Variants in CEP70 observed in about 807,000 individuals in gnomAD.
CEP70 encodes centrosomal protein of 70 kDa.
Under a neutral mutation model 90.9 loss-of-function variants are expected in CEP70, and 70 were observed. That is an observed-to-expected ratio of 0.77 (90% confidence interval 0.64 to 0.94). The LOEUF (loss-of-function observed/expected upper bound fraction) is 0.94. Among genes scored for constraint, CEP70 ranks in the 40% least tolerant of loss-of-function variants. The pLI is 0.00. For missense variants in CEP70, 648 were observed against 669.0 expected, an observed-to-expected ratio of 0.97 and a Z score of 0.35; for synonymous variants, 220 against 228.3, an observed-to-expected ratio of 0.96 and a Z score of 0.33.
rs369443053 is a variant in CEP70 at position 138,574,122 on chromosome 3, C to T, written c.-5-1190G>A. Among the ~76,000 whole-genome samples the T allele has an allele frequency of 2.6e-5, 4 of 152,208 alleles. No homozygotes were observed. In the East Asian group the frequency reaches 5.8e-4, roughly 22 times the overall value. The stretch of plus-strand genomic sequence containing the variant: ...GTGGGTGCAGCCCACAAAGGGCGAG[C>T]CGAAGCAGGGTGGGGCATTGCCTCA... On this transcript the variant is annotated intron_variant, in intron 2 of 17. Coordinates refer to ENST00000264982, the MANE Select transcript of CEP70 (RefSeq NM_024491.4).
At chr3:138,584,917 C>CTT (rs2042038992) in intron 2 of CEP70, among the ~76,000 whole-genome samples, 1 of 151,840 alleles carries the variant, frequency 6.6e-6, no homozygotes, top group Non-Finnish European at 1.5e-5. Flanking sequence ...ATTGACAAAC[C>CTT]TTTAGCCAGA....
At chr3:138,576,607 A>G (rs529455999) in intron 2 of CEP70, among the ~76,000 whole-genome samples, 10 of 152,366 alleles carry the variant, frequency 6.6e-5, no homozygotes, top group African/African-American at 1.2e-4. Flanking sequence ...CAGACCTAAT[A>G]GACATCTACA....
intron 17 of CEP70, chr3:138,496,876 A>G: frequency 1.0e-6 from 1 of 985,552 alleles, no homozygotes; most frequent in Non-Finnish European, 1.2e-6. Flanking sequence ...GGAAGTTTCT[A>G]TAGAAGCATT....
chr3:138,515,454 A>C (rs2035915127), intron 11 of CEP70, among the ~76,000 whole-genome samples: 1 of 120,762 alleles, frequency 8.3e-6, no homozygotes, highest in Non-Finnish European at 1.8e-5. Flanking sequence ...CACCAACAAA[A>C]GGCATAGAAA....
At chr3:138,586,323 A>G (rs1437562937) in intron 2 of CEP70, among the ~76,000 whole-genome samples, 2 of 152,104 alleles carry the variant, frequency 1.3e-5, no homozygotes, top group African/African-American at 4.8e-5. Flanking sequence ...ACACTGGCCA[A>G]TTTTTTATAT....
chr3:138,508,723 A>G (rs936371432), intron 11 of CEP70, among the ~76,000 whole-genome samples, 179 bp from the exon 12 acceptor site: 4 of 151,954 alleles, frequency 2.6e-5, no homozygotes, highest in African/African-American at 9.7e-5. Context: ...ATGCATATAT[A>G]GAGTTAAAAA....
At chr3:138,506,913 T>A (rs959346039) in intron 12 of CEP70, among the ~76,000 whole-genome samples, 1 of 145,010 alleles carries the variant, frequency 6.9e-6, no homozygotes. Flanking sequence ...GCTAATTAAA[T>A]TTTTTTTTTT....
intron 6 of CEP70, among the ~76,000 whole-genome samples, chr3:138,568,540 A>G (rs2040939504): frequency 6.6e-6 from 1 of 152,192 alleles, no homozygotes; most frequent in East Asian, 1.9e-4. Flanking sequence ...CCAATAAGTC[A>G]ATGATTTAAA....
At chr3:138,556,896 G>A (rs1003857964) in intron 6 of CEP70, among the ~76,000 whole-genome samples, 8 of 152,104 alleles carry the variant, frequency 5.3e-5, no homozygotes, top group African/African-American at 1.4e-4. Context: ...ATGAAGTTTC[G>A]GGCATCATTG....
At chr3:138,510,856 CTTTTT>C (rs869032871) in intron 11 of CEP70, among the ~76,000 whole-genome samples, 1 of 107,034 alleles carries the variant, frequency 9.3e-6, no homozygotes, top group Non-Finnish European at 1.9e-5. Flanking sequence ...CTTTTTCCAT[CTTTTT>C]TTTTTTTTTT....
rs893743552 is a variant in CEP70 at position 138,500,886 on chromosome 3, A to G, written c.1222-5T>C. 8 of 1,464,378 alleles carry G rather than the reference A, an allele frequency of 5.5e-6. No individual in the cohort carries two copies. Among genetic ancestry groups the G allele is most frequent in the Non-Finnish European group, 6.4e-6 (7 of 1,092,322 alleles). The allele number at this position is 1,464,378 out of a possible 1,614,324, so 90.7% of individuals were successfully genotyped here. On this transcript the variant is annotated splice_region_variant and splice_polypyrimidine_tract_variant and intron_variant, in intron 13 of 17. Transcript: ENST00000264982. ...TTTCAAGGACTTATACAAATCCTTTATAACAAAAGAAACTATATGGTATTA... is the reference window on the plus strand; with the variant it reads ...TTTCAAGGACTTATACAAATCCTTTGTAACAAAAGAAACTATATGGTATTA...
intron 6 of CEP70, among the ~76,000 whole-genome samples, chr3:138,554,815 T>C (rs1467264302): frequency 1.3e-5 from 2 of 152,180 alleles, no homozygotes; most frequent in African/African-American, 4.8e-5. Flanking sequence ...TATTAGTCCT[T>C]TGTCGGATGT....
intron 6 of CEP70, among the ~76,000 whole-genome samples, chr3:138,547,933 C>G (rs2039337034): frequency 6.6e-6 from 1 of 152,152 alleles, no homozygotes; most frequent in Non-Finnish European, 1.5e-5. Flanking sequence ...AATTGACTGA[C>G]CACAGGGAAC....
intron 2 of CEP70, among the ~76,000 whole-genome samples, chr3:138,591,296 A>G (rs143636922): frequency 6.6e-6 from 1 of 152,316 alleles, no homozygotes; most frequent in East Asian, 1.9e-4. Context: ...ATATGAAACA[A>G]TAAATGAATT....
intron 6 of CEP70, among the ~76,000 whole-genome samples, chr3:138,552,161 C>T (rs1431331524): frequency 6.6e-6 from 1 of 152,084 alleles, no homozygotes; most frequent in Non-Finnish European, 1.5e-5. Context: ...CCCTGGTGTT[C>T]CCAAATTTAT....
intron 3 of CEP70, among the ~76,000 whole-genome samples, chr3:138,572,402 TG>T (rs1477178281): frequency 6.6e-6 from 1 of 152,226 alleles, no homozygotes; most frequent in Non-Finnish European, 1.5e-5. Flanking sequence ...ACATTGATGT[TG>T]TTTTAGGAGC....
At chr3:138,529,140 G>T in intron 10 of CEP70, 59 bp downstream of exon 10, 2 of 1,023,642 alleles carry the variant, frequency 2.0e-6, no homozygotes, top group South Asian at 3.0e-5. Context: ...CACTTGGCCT[G>T]AGTGACAGAG....
In CEP70 at chr3:138,523,980, C is replaced by T. The variant is rs549270287; in HGVS notation, c.944+1510G>A. 2.7e-5 allele frequency among the ~76,000 whole-genome samples: 4 copies of T among 145,700 alleles called. No homozygotes were observed. The South Asian group carries it at 8.7e-4, about 32-fold the overall frequency. ...TGCTACCTGACTTCAAACTATACTA[C>T]AAGGCTACAGTAACCAAAACAGCAT... On this transcript the variant is annotated intron_variant, in intron 11 of 17. Coordinates refer to ENST00000264982, the MANE Select transcript of CEP70 (RefSeq NM_024491.4).
At chr3:138,558,158 A>T (rs955909181) in intron 6 of CEP70, among the ~76,000 whole-genome samples, 5 of 152,206 alleles carry the variant, frequency 3.3e-5, no homozygotes, top group African/African-American at 1.2e-4. Flanking sequence ...TGAGGTCAGG[A>T]GTTCGAGACT....
Sources: allele counts gnomAD v4.1 joint callset (sites outside exome capture counted in the v4.1 genomes callset), GRCh38; gene constraint gnomAD v4.1.1; transcripts MANE v1.5; gene names NCBI Gene and HGNC (gene_info 2026-07-23, HGNC 2026-07-21).